SPAG16: variants seen among roughly 807,000 people sequenced by gnomAD.
The protein encoded by SPAG16 is sperm associated antigen 16, also known as sperm-associated antigen 16 protein.
In SPAG16, 86 loss-of-function variants were observed where a neutral mutation model predicts 80.4. That is an observed-to-expected ratio of 1.07 (90% CI 0.90 to 1.28). The LOEUF is 1.28. SPAG16 is among the 50% of genes most tolerant of loss of function. The probability of loss-of-function intolerance (pLI) is 0.00; values close to 1 mark genes in which losing one functional copy is unlikely to be tolerated. For missense variants in SPAG16, 870 were observed against 765.3 expected (o/e 1.14, Z -1.61); for synonymous variants, 294 against 265.9 (o/e 1.11, Z -1.03).
intron 14 of SPAG16, among the ~76,000 whole-genome samples, chr2:214,119,281 G>T (rs1372140274): frequency 6.6e-6 from 1 of 151,960 alleles, no homozygotes; most frequent in Non-Finnish European, 1.5e-5. Flanking sequence ...TTCTCCATTG[G>T]AAGTAGATAT....
chr2:213,396,483 G>A (rs2068039048), intron 9 of SPAG16: 1 of 219,338 alleles, frequency 4.6e-6, no homozygotes, highest in African/African-American at 2.3e-5. Flanking sequence ...AAATAAATAA[G>A]CTTGTTCCTT....
rs1377106754 is a variant in SPAG16, at chr2:213,404,302, A to G, written c.942+29183A>G. 3.9e-5 allele frequency among the ~76,000 whole-genome samples: 6 copies of G among 152,342 alleles called. No individual in the cohort carries two copies. In the East Asian group the frequency reaches 1.2e-3, roughly 29 times the overall value. ...TGGAGGCATCACTCTACCTGACTTC[A>G]AACTATACTACAAGCCTACAGTAAC... On this transcript the variant is annotated intron_variant, in intron 9 of 15. Coordinates refer to ENST00000331683, the MANE Select transcript of SPAG16 (RefSeq NM_024532.5).
Position 213,696,893 on chromosome 2 carries a change from A to G in SPAG16, c.1071-165592A>G, listed in dbSNP as rs142307821. Among the ~76,000 whole-genome samples the G allele has an allele frequency of 6.0e-4, 91 of 152,298 alleles. 1 individual carries two copies. The East Asian group carries it at 0.017, about 29-fold the overall frequency. On this transcript the variant is annotated intron_variant, in intron 10 of 15. Coordinates refer to ENST00000331683, the MANE Select transcript of SPAG16 (RefSeq NM_024532.5). The stretch of plus-strand genomic sequence containing the variant: ...CAAGAAGAGAAATAGTAGCTGGAAG[A>G]GAATGTGGGCTAAAGCAGGGTTTTA...
intron 10 of SPAG16, among the ~76,000 whole-genome samples, chr2:213,526,248 C>T (rs2075882078): frequency 6.6e-6 from 1 of 152,032 alleles, no homozygotes; most frequent in South Asian, 2.1e-4. Context: ...TTTTAGTGTT[C>T]ATATAATACT....
At chr2:213,428,764 T>G (rs1452824359) in intron 9 of SPAG16, among the ~76,000 whole-genome samples, 1 of 152,086 alleles carries the variant, frequency 6.6e-6, no homozygotes, top group African/African-American at 2.4e-5. Context: ...CTCCCTTTAT[T>G]GGGTTGGGGA....
At chr2:214,335,234 A>G (rs950568021) in intron 15 of SPAG16, among the ~76,000 whole-genome samples, 8 of 152,072 alleles carry the variant, frequency 5.3e-5, no homozygotes, top group Non-Finnish European at 8.8e-5. Flanking sequence ...GGCCAAATAA[A>G]ATTTCCAGTG....
intron 9 of SPAG16, among the ~76,000 whole-genome samples, chr2:213,409,118 T>TG (rs2068822779): frequency 6.6e-6 from 1 of 150,542 alleles, no homozygotes; most frequent in African/African-American, 2.4e-5. Flanking sequence ...AATTAACTGT[T>TG]TTTTTTTTTT....
chr2:213,310,238 T>G (rs2063126144), intron 4 of SPAG16, 61 bp downstream of exon 4: 1 of 1,194,758 alleles, frequency 8.4e-7, no homozygotes, highest in African/African-American at 1.5e-5. Flanking sequence ...TATACACTTT[T>G]AAGTGTCTTA....
intron 10 of SPAG16, among the ~76,000 whole-genome samples, chr2:213,510,696 G>T (rs2075191093): frequency 6.6e-6 from 1 of 152,086 alleles, no homozygotes; most frequent in African/African-American, 2.4e-5. Context: ...CTTAGTACAG[G>T]CATAATTTTT....
intron 15 of SPAG16, among the ~76,000 whole-genome samples, chr2:214,339,078 G>A (rs7561617): frequency 0.48 from 73,692 of 152,028 alleles, 21,404 homozygotes; most frequent in Non-Finnish European, 0.65. Context: ...TAAATCAATA[G>A]ATACCCAATC....
At chr2:214,250,223 C>G (rs919321803) in intron 15 of SPAG16, 1 of 152,250 alleles carries the variant, frequency 6.6e-6, no homozygotes, top group African/African-American at 2.4e-5. Flanking sequence ...AGCATTCTCT[C>G]TGCCACATTT....
chr2:214,186,760 T>G (rs1347358630), intron 15 of SPAG16, among the ~76,000 whole-genome samples: 2 of 151,926 alleles, frequency 1.3e-5, no homozygotes, highest in Non-Finnish European at 2.9e-5. Context: ...TGTTTTTTTG[T>G]TTTTTTGTTT....
chr2:213,317,656 C>T, intron 5 of SPAG16: 13 of 1,019,808 alleles, frequency 1.3e-5, no homozygotes, highest in Non-Finnish European at 1.5e-5. Context: ...AACATTTTCT[C>T]CTGTAAAGAT....
At chr2:214,294,254 A>G (rs1693989635) in intron 15 of SPAG16, among the ~76,000 whole-genome samples, 3 of 152,194 alleles carry the variant, frequency 2.0e-5, no homozygotes, top group South Asian at 2.1e-4. Context: ...GTGTAAGTCC[A>G]TGGCAGGAAT....
intron 12 of SPAG16, among the ~76,000 whole-genome samples, chr2:213,966,163 T>C (rs993546497): frequency 1.4e-4 from 22 of 152,136 alleles, no homozygotes; most frequent in Non-Finnish European, 2.9e-5. Context: ...TGGGAGAAGA[T>C]GGAGACACAT....
chr2:213,675,775 T>G (rs1675216289), intron 10 of SPAG16, among the ~76,000 whole-genome samples: 1 of 152,030 alleles, frequency 6.6e-6, no homozygotes, highest in African/African-American at 2.4e-5. Flanking sequence ...ACCATGCTGT[T>G]TTGGTTACTG....
chr2:214,384,576 T>C (rs1281848884), intron 15 of SPAG16, among the ~76,000 whole-genome samples: 2 of 152,228 alleles, frequency 1.3e-5, no homozygotes, highest in Admixed American at 6.5e-5. Context: ...CCATGAATAA[T>C]GTATAAGAAT....
intron 10 of SPAG16, among the ~76,000 whole-genome samples, chr2:213,516,896 AATTT>A (rs2075445814): frequency 6.6e-6 from 1 of 152,218 alleles, no homozygotes; most frequent in Non-Finnish European, 1.5e-5. Flanking sequence ...CATATTAATG[AATTT>A]ATTTAATTCA....
At chr2:213,603,355 T>C (rs183664935) in intron 10 of SPAG16, among the ~76,000 whole-genome samples, 104 of 152,378 alleles carry the variant, frequency 6.8e-4, no homozygotes, top group Admixed American at 2.0e-3. Flanking sequence ...CTTCTGATGC[T>C]TATACGCATT....
Sources: gnomAD v4.1 joint callset for allele counts (sites outside exome capture counted in the v4.1 genomes callset) on GRCh38, gnomAD v4.1.1 for gene constraint, MANE v1.5 for transcripts, NCBI Gene and HGNC (gene_info 2026-07-23, HGNC 2026-07-21) for gene names.